The following DHX35 variants were observed in gnomAD, a reference collection of about 807,000 sequenced individuals.
The protein encoded by DHX35 is DEAH-box helicase 35, also known as probable ATP-dependent RNA helicase DHX35.
Under a neutral mutation model 99.6 loss-of-function variants are expected in DHX35, and 84 were observed. That is an observed-to-expected ratio of 0.84 (90% CI 0.71 to 1.01). The LOEUF (loss-of-function observed/expected upper bound fraction) is 1.01, where lower values mean the gene tolerates loss of function less well. Among genes scored for constraint, DHX35 ranks in the 50% least tolerant of loss-of-function variants. The pLI, the probability that DHX35 is intolerant of heterozygous loss-of-function variation, is 0.00. For synonymous variants in DHX35, 331 were observed against 316.2 expected (o/e 1.05, Z -0.50); for missense variants, 852 against 888.5 (o/e 0.96, Z 0.52).
intron 4 of DHX35, among the ~76,000 whole-genome samples, chr20:38,986,187 G>GA (rs2086246661): frequency 8.9e-6 from 1 of 112,914 alleles, no homozygotes; most frequent in South Asian, 3.2e-4. Flanking sequence ...GGTGCTCAGT[G>GA]ATTTTTTTTT....
At chr20:38,983,819 T>C (rs1164826000) in intron 4 of DHX35, 43 bp downstream of exon 4, 2 of 1,547,888 alleles carry the variant, frequency 1.3e-6, no homozygotes, top group African/African-American at 2.7e-5. Flanking sequence ...CTGTGTTGTC[T>C]ACATTTGTGA....
At chr20:39,015,069 T>A (rs916609244) in intron 14 of DHX35, 135 bp downstream of exon 14, 2 of 991,338 alleles carry the variant, frequency 2.0e-6, no homozygotes, top group Non-Finnish European at 3.1e-6. Flanking sequence ...ATCCCCCTAA[T>A]GATACTTTAT....
At chr20:38,992,459 G>T (rs1235380388) in intron 7 of DHX35, 34 bp downstream of exon 7, 1 of 1,603,768 alleles carries the variant, frequency 6.2e-7, no homozygotes, top group African/African-American at 1.3e-5. Context: ...CATTGTGTGT[G>T]TTTATTTTAT....
chr20:38,964,500 G>A (rs1208791828), intron 1 of DHX35, among the ~76,000 whole-genome samples: 3 of 151,672 alleles, frequency 2.0e-5, no homozygotes, highest in Admixed American at 6.6e-5. Flanking sequence ...GCGCAATCTC[G>A]GCTCACTGGA....
chr20:38,966,536 G>A (rs1336433089), intron 1 of DHX35, among the ~76,000 whole-genome samples: 1 of 152,196 alleles, frequency 6.6e-6, no homozygotes. Flanking sequence ...GGGTGCGGTG[G>A]TGCGTGCCTG....
chr20:38,963,346 A>T lies in DHX35; in HGVS notation c.40+939A>T, dbSNP rs1324428422. On this transcript the variant is annotated intron_variant, in intron 1 of 21. Coordinates refer to ENST00000252011, the MANE Select transcript of DHX35 (RefSeq NM_021931.4). ...GCAGCAAAAATGAAATGACACCAAG[A>T]ATGTAATATAAGCAAAGCTTTTAAT... Among the ~76,000 whole-genome samples the T allele has an allele frequency of 2.0e-5, 3 of 152,250 alleles. No individual in the cohort carries two copies. The East Asian group carries it at 5.8e-4, about 29-fold the overall frequency.
Position 38,972,662 on chromosome 20 carries a change from A to C in DHX35, c.267+11A>C. ...ACACAGATTCCTCAGGTGAGTACATATTTAATAAGTGTCTTTACACTTCGA... is the reference window on the plus strand; with the variant it reads ...ACACAGATTCCTCAGGTGAGTACATCTTTAATAAGTGTCTTTACACTTCGA... On this transcript the variant is annotated intron_variant, in intron 3 of 21. Transcript: ENST00000252011. 6.3e-7 allele frequency: 1 copy of C among 1,585,150 alleles called. No individual in the cohort carries two copies.
chr20:38,995,225 C>T (rs1435025782), intron 8 of DHX35, among the ~76,000 whole-genome samples: 1 of 152,050 alleles, frequency 6.6e-6, no homozygotes, highest in African/African-American at 2.4e-5. Context: ...TTTTTCTGTG[C>T]AATTGAAGTT....
intron 1 of DHX35, among the ~76,000 whole-genome samples, chr20:38,963,202 C>T (rs2085861709): frequency 6.6e-6 from 1 of 152,210 alleles, no homozygotes; most frequent in Non-Finnish European, 1.5e-5. Flanking sequence ...GTACTAGATG[C>T]ATTACTTCCT....
chr20:39,021,741 C>G (rs776022908), intron 15 of DHX35, 100 bp from the exon 16 acceptor site: 65 of 1,163,870 alleles, frequency 5.6e-5, no homozygotes, highest in Non-Finnish European at 7.8e-5. Context: ...AAAATATGAT[C>G]TTAGTCTTCA....
chr20:39,002,380 A>G (rs902348321), intron 9 of DHX35, among the ~76,000 whole-genome samples: 4 of 152,192 alleles, frequency 2.6e-5, no homozygotes, highest in Non-Finnish European at 5.9e-5. Context: ...GAGCTCATCC[A>G]TCAGGGCCAT....
chr20:38,988,697 T>G, intron 4 of DHX35, 116 bp from the exon 5 acceptor site: 5 of 1,404,652 alleles, frequency 3.6e-6, no homozygotes, highest in Non-Finnish European at 3.8e-6. Flanking sequence ...CTCTTTTCAT[T>G]TTTCATTGTG....
At chr20:39,036,397 A>G (rs991463257) in intron 21 of DHX35, among the ~76,000 whole-genome samples, 1 of 152,134 alleles carries the variant, frequency 6.6e-6, no homozygotes, top group Non-Finnish European at 1.5e-5. Context: ...CTGTCATCGG[A>G]GTATTTTTAG....
At chr20:38,978,352 T>C (rs2086115445) in intron 3 of DHX35, 1 of 735,224 alleles carries the variant, frequency 1.4e-6, no homozygotes, top group Non-Finnish European at 2.5e-6. Context: ...TTTGATGGCC[T>C]TTAGTTCACA....
intron 3 of DHX35, chr20:38,977,850 TG>T (rs907937397): frequency 1.8e-6 from 1 of 563,294 alleles, no homozygotes; most frequent in African/African-American, 1.9e-5. Flanking sequence ...ATTTGACTTT[TG>T]TGCATTTTTT....
chr20:39,001,884 C>A, intron 9 of DHX35, 42 bp downstream of exon 9: 1 of 1,461,688 alleles, frequency 6.8e-7, no homozygotes, highest in Non-Finnish European at 9.5e-7. Flanking sequence ...GTTTAGAAAA[C>A]TCAGCCTCTG....
chr20:39,022,964 G>T (rs1722409673), intron 16 of DHX35, among the ~76,000 whole-genome samples: 1 of 152,182 alleles, frequency 6.6e-6, no homozygotes, highest in Non-Finnish European at 1.5e-5. Flanking sequence ...TAATGAGGAG[G>T]AGAGAGACTT....
chr20:39,013,198 T>A (rs2086730810), intron 13 of DHX35, among the ~76,000 whole-genome samples: 1 of 152,220 alleles, frequency 6.6e-6, no homozygotes, highest in South Asian at 2.1e-4. Context: ...TTGTGGTTTT[T>A]ATGATTGAAA....
intron 17 of DHX35, among the ~76,000 whole-genome samples, 170 bp from the exon 18 acceptor site, chr20:39,025,060 G>T (rs956264625): frequency 2.6e-5 from 4 of 152,184 alleles, no homozygotes; most frequent in Non-Finnish European, 5.9e-5. Flanking sequence ...ATGTGTGCAA[G>T]GTTGTTAACA....
Sources: allele counts gnomAD v4.1 joint callset (sites outside exome capture counted in the v4.1 genomes callset), GRCh38; gene constraint gnomAD v4.1.1; transcripts MANE v1.5; gene names NCBI Gene and HGNC (gene_info 2026-07-23, HGNC 2026-07-21).